The following KCNIP4 variants were observed in gnomAD, a reference collection of about 807,000 sequenced individuals.
KCNIP4 encodes potassium voltage-gated channel interacting protein 4.
KCNIP4 carries 12 observed loss-of-function variants against 34.0 expected under a neutral mutation model. That is an observed-to-expected ratio of 0.35 (90% CI 0.23 to 0.57). The LOEUF (loss-of-function observed/expected upper bound fraction) is 0.57. Ranked by LOEUF, KCNIP4 falls within the 20% of genes least tolerant of loss-of-function variation. KCNIP4 has a pLI of 0.83. For missense variants in KCNIP4, 238 were observed against 311.7 expected, an observed-to-expected ratio of 0.76 and a Z score of 1.78; for synonymous variants, 124 against 102.2, an observed-to-expected ratio of 1.21 and a Z score of -1.29.
chr4:20,770,666 G>A (rs1008064052), intron 3 of KCNIP4, among the ~76,000 whole-genome samples: 7 of 152,160 alleles, frequency 4.6e-5, no homozygotes, highest in Non-Finnish European at 8.8e-5. Flanking sequence ...AGGTGCAGTG[G>A]CTCGCGCCTG....
chr4:21,897,070 C>A (rs536535775), intron 1 of KCNIP4, among the ~76,000 whole-genome samples: 43 of 152,096 alleles, frequency 2.8e-4, no homozygotes, highest in African/African-American at 9.9e-4. Flanking sequence ...AACTCTTCAG[C>A]CTCTCTTTGG....
intron 1 of KCNIP4, among the ~76,000 whole-genome samples, chr4:21,152,116 G>C (rs1413725755): frequency 6.6e-6 from 1 of 152,080 alleles, no homozygotes; most frequent in Non-Finnish European, 1.5e-5. Context: ...AGCCAGGCAT[G>C]GTGGCACATG....
intron 1 of KCNIP4, among the ~76,000 whole-genome samples, chr4:21,373,674 G>A (rs1198671511): frequency 6.8e-6 from 1 of 146,682 alleles, no homozygotes; most frequent in African/African-American, 2.7e-5. Flanking sequence ...ATAAAGGTTG[G>A]GTTTCTCATT....
At chr4:21,403,093 G>T (rs1495517) in intron 1 of KCNIP4, among the ~76,000 whole-genome samples, 31,465 of 152,104 alleles carry the variant, frequency 0.21, 3,687 homozygotes, top group Middle Eastern at 0.3. Flanking sequence ...GCATTTGGGA[G>T]TTGGTAACTG....
intron 1 of KCNIP4, among the ~76,000 whole-genome samples, chr4:21,132,028 T>C (rs1433489): frequency 0.5 from 75,897 of 152,050 alleles, 19,807 homozygotes; most frequent in African/African-American, 0.65. Context: ...GTGATGGAGA[T>C]TGTGTGTGAA....
At chr4:20,993,335 A>G (rs1033457937) in intron 1 of KCNIP4, among the ~76,000 whole-genome samples, 1 of 152,216 alleles carries the variant, frequency 6.6e-6, no homozygotes, top group Non-Finnish European at 1.5e-5. Flanking sequence ...GAGAAGACAT[A>G]TGAACTGGTC....
chr4:21,775,130 T>C (rs1719086159), intron 1 of KCNIP4, among the ~76,000 whole-genome samples: 1 of 152,198 alleles, frequency 6.6e-6, no homozygotes, highest in African/African-American at 2.4e-5. Context: ...GACAGGGTTT[T>C]CGTGGAGGCC....
intron 1 of KCNIP4, among the ~76,000 whole-genome samples, chr4:21,897,153 G>T (rs572153465): frequency 2.3e-3 from 346 of 151,998 alleles, no homozygotes; most frequent in Non-Finnish European, 3.7e-3. Context: ...AGAACAGTAT[G>T]CCCTTTAGCC....
chr4:21,650,682 T>A (rs1747416606), intron 1 of KCNIP4, among the ~76,000 whole-genome samples: 1 of 152,152 alleles, frequency 6.6e-6, no homozygotes, highest in South Asian at 2.1e-4. Context: ...AAACTTAGTA[T>A]CTTAAAACAA....
At chr4:21,684,798 G>C (rs13125607) in intron 1 of KCNIP4, among the ~76,000 whole-genome samples, 38,848 of 151,910 alleles carry the variant, frequency 0.26, 6,144 homozygotes, top group African/African-American at 0.45. Context: ...AGGTATATCT[G>C]CTAATGCTAT....
At chr4:20,800,001 C>T (rs1209564826) in intron 3 of KCNIP4, among the ~76,000 whole-genome samples, 3 of 152,202 alleles carry the variant, frequency 2.0e-5, no homozygotes, top group African/African-American at 7.2e-5. Context: ...GGAATGTGAA[C>T]CTGTGTCTCA....
intron 1 of KCNIP4, among the ~76,000 whole-genome samples, chr4:21,786,248 C>T (rs529194188): frequency 6.6e-6 from 1 of 151,724 alleles, no homozygotes; most frequent in South Asian, 2.1e-4. Context: ...TGCCCGGCCT[C>T]GCTTCTCTTA....
At chr4:21,891,121 G>A (rs866236196) in intron 1 of KCNIP4, among the ~76,000 whole-genome samples, 2 of 152,010 alleles carry the variant, frequency 1.3e-5, no homozygotes, top group African/African-American at 4.8e-5. Context: ...ATGAATCCCT[G>A]GGTTGAACAC....
Position 21,724,344 on chromosome 4 carries a change from C to T in KCNIP4, c.61+224227G>A, listed in dbSNP as rs113400611. On this transcript the variant is annotated intron_variant, in intron 1 of 8. Coordinates refer to ENST00000382152, the MANE Select transcript of KCNIP4 (RefSeq NM_025221.6). ...TTCTTGGCCTCTCTGAGTCTCAAAG[C>T]CATCTATATAACCCTAAAATATTGT... Among the ~76,000 whole-genome samples the T allele has an allele frequency of 8.8e-3, 1,329 of 151,572 alleles. 19 individuals are homozygous for T. The highest frequency in any genetic ancestry group is 0.038 in the South Asian group (185 of 4,810).
intron 1 of KCNIP4, among the ~76,000 whole-genome samples, chr4:21,368,132 T>A (rs771572177): frequency 2.7e-5 from 4 of 146,962 alleles, no homozygotes; most frequent in Non-Finnish European, 4.4e-5. Context: ...GGGGAGTCTC[T>A]ACAATACACT....
At chr4:21,072,062 T>G (rs933562701) in intron 1 of KCNIP4, among the ~76,000 whole-genome samples, 3 of 152,208 alleles carry the variant, frequency 2.0e-5, no homozygotes, top group African/African-American at 7.2e-5. Flanking sequence ...TTTGGGTTGG[T>G]TCCAAGTCTT....
At chr4:20,797,691 G>A (rs1227078639) in intron 3 of KCNIP4, among the ~76,000 whole-genome samples, 1 of 152,192 alleles carries the variant, frequency 6.6e-6, no homozygotes, top group African/African-American at 2.4e-5. Context: ...TGGTTTAAAG[G>A]TAGAGGGGAT....
chr4:20,935,191 C>G (rs550034975), intron 1 of KCNIP4, among the ~76,000 whole-genome samples: 5 of 152,160 alleles, frequency 3.3e-5, no homozygotes, highest in Non-Finnish European at 7.3e-5. Flanking sequence ...TCTGGATGAA[C>G]ATACATTTTT....
In KCNIP4 at chr4:20,953,069, G is replaced by A. The variant is rs532192372; in HGVS notation, c.62-70360C>T. Among the ~76,000 whole-genome samples, 14 of 152,328 alleles carry A rather than the reference G, an allele frequency of 9.2e-5. No homozygotes were observed. The South Asian group carries it at 2.9e-3, about 32-fold the overall frequency. Reference sequence around the variant, plus strand: ...TAATACCATCATTTTGAGAATTAAAGTTTGAAAATATGAATTTTGGAGGGA... The same window carrying A: ...TAATACCATCATTTTGAGAATTAAAATTTGAAAATATGAATTTTGGAGGGA... On this transcript the variant is annotated intron_variant, in intron 1 of 8. Transcript: ENST00000382152.
Sources: gnomAD v4.1 joint callset for allele counts (sites outside exome capture counted in the v4.1 genomes callset) on GRCh38, gnomAD v4.1.1 for gene constraint, MANE v1.5 for transcripts, NCBI Gene and HGNC (gene_info 2026-07-23, HGNC 2026-07-21) for gene names.